Variants in DDX10 observed in about 807,000 individuals in gnomAD.
The protein encoded by DDX10 is probable ATP-dependent RNA helicase DDX10.
DDX10 carries 74 observed loss-of-function variants against 104.3 expected under a neutral mutation model. The observed-to-expected ratio is 0.71, with a 90% confidence interval of 0.59 to 0.86. DDX10 has a LOEUF of 0.86. DDX10 is among the 40% of genes least tolerant of loss of function. The pLI, the probability that DDX10 is intolerant of heterozygous loss-of-function variation, is 0.00. For missense variants in DDX10, 952 were observed against 1,040.0 expected, an observed-to-expected ratio of 0.92 and a Z score of 1.16; for synonymous variants, 351 against 353.4, an observed-to-expected ratio of 0.99 and a Z score of 0.08.
intron 16 of DDX10, among the ~76,000 whole-genome samples, chr11:108,868,966 C>G (rs1323133455): frequency 4.4e-5 from 6 of 137,134 alleles, no homozygotes; most frequent in Non-Finnish European, 9.3e-5. Flanking sequence ...AAGAATTAAG[C>G]TTTTTTTTTT....
intron 16 of DDX10, among the ~76,000 whole-genome samples, chr11:108,889,072 C>G (rs770142751): frequency 9.9e-5 from 15 of 152,112 alleles, no homozygotes; most frequent in Non-Finnish European, 1.9e-4. Flanking sequence ...GCTTTGTAAA[C>G]TGTATTGATT....
At chr11:108,928,821 G>C (rs1863940970) in intron 17 of DDX10, among the ~76,000 whole-genome samples, 1 of 152,204 alleles carries the variant, frequency 6.6e-6, no homozygotes, top group South Asian at 2.1e-4. Flanking sequence ...GTAGGAGTTT[G>C]TAAATGAGTA....
At chr11:108,880,628 T>C (rs182071552) in intron 16 of DDX10, among the ~76,000 whole-genome samples, 1 of 152,298 alleles carries the variant, frequency 6.6e-6, no homozygotes, top group East Asian at 1.9e-4. Flanking sequence ...GGAGTTGATG[T>C]GTACAAGGAA....
intron 13 of DDX10, among the ~76,000 whole-genome samples, chr11:108,800,832 T>C (rs1862010902): frequency 6.6e-6 from 1 of 152,254 alleles, no homozygotes; most frequent in South Asian, 2.1e-4. Flanking sequence ...ATTATGATTT[T>C]CACTTATCCT....
At chr11:108,771,446 G>A (rs1388696927) in intron 13 of DDX10, among the ~76,000 whole-genome samples, 1 of 151,810 alleles carries the variant, frequency 6.6e-6, no homozygotes, top group Non-Finnish European at 1.5e-5. Context: ...GGAAAGCCAC[G>A]CCATTCTCCT....
chr11:108,861,150 A>G (rs985749451), intron 16 of DDX10, among the ~76,000 whole-genome samples: 15 of 151,420 alleles, frequency 9.9e-5, no homozygotes, highest in African/African-American at 3.6e-4. Context: ...GCGAATATAA[A>G]GCAGGCAGAA....
intron 17 of DDX10, among the ~76,000 whole-genome samples, chr11:108,931,041 C>G (rs1204741052): frequency 6.6e-6 from 1 of 152,192 alleles, no homozygotes; most frequent in East Asian, 1.9e-4. Flanking sequence ...AGACCCCTAC[C>G]CCATTCAGTA....
chr11:108,688,220 T>C (rs1042198695), intron 6 of DDX10, among the ~76,000 whole-genome samples: 3 of 152,208 alleles, frequency 2.0e-5, no homozygotes, highest in Admixed American at 1.3e-4. Context: ...CAGAGTAATG[T>C]TGGAATAAAG....
At chr11:108,885,357 C>CTTTTTTT (rs5794610) in intron 16 of DDX10, among the ~76,000 whole-genome samples, 1 of 103,160 alleles carries the variant, frequency 9.7e-6, no homozygotes. Context: ...TTCATTGTCA[C>CTTTTTTT]TTTTTTTTTT....
intron 13 of DDX10, among the ~76,000 whole-genome samples, chr11:108,771,562 G>C (rs940348345): frequency 1.3e-5 from 2 of 152,028 alleles, no homozygotes; most frequent in Non-Finnish European, 2.9e-5. Flanking sequence ...AGCCAGGATG[G>C]TCTCGATCTC....
chr11:108,667,924 C>G (rs1182874046), intron 1 of DDX10, among the ~76,000 whole-genome samples: 1 of 152,190 alleles, frequency 6.6e-6, no homozygotes, highest in Non-Finnish European at 1.5e-5. Flanking sequence ...AAAAAACTCT[C>G]CTACTAGACC....
intron 13 of DDX10, among the ~76,000 whole-genome samples, chr11:108,813,053 A>T (rs938010696): frequency 6.6e-6 from 1 of 151,528 alleles, no homozygotes; most frequent in African/African-American, 2.4e-5. Flanking sequence ...TTGGTACAGA[A>T]TTCATGATGC....
At chr11:108,922,048 A>G (rs4317954) in intron 17 of DDX10, 20,469 of 151,558 alleles carry the variant, frequency 0.14, 1,617 homozygotes, top group East Asian at 0.25. Context: ...GATTGAGACC[A>G]TACTGGCCAA....
chr11:108,898,993 T>C (rs1004619134), intron 16 of DDX10, among the ~76,000 whole-genome samples: 1 of 152,210 alleles, frequency 6.6e-6, no homozygotes, highest in African/African-American at 2.4e-5. Flanking sequence ...GAACTGTGTG[T>C]GTTAATCTCT....
At chr11:108,741,680 C>G (rs139702375) in intron 13 of DDX10, among the ~76,000 whole-genome samples, 2 of 152,194 alleles carry the variant, frequency 1.3e-5, no homozygotes, top group African/African-American at 4.8e-5. Flanking sequence ...TGAAGTTTAT[C>G]AGATCAAGGA....
chr11:108,830,944 A>C (rs1301212786), intron 13 of DDX10, among the ~76,000 whole-genome samples: 2 of 152,198 alleles, frequency 1.3e-5, no homozygotes, highest in Non-Finnish European at 2.9e-5. Flanking sequence ...ACTGTAATTC[A>C]TTTGATTTAG....
At chr11:108,783,227 T>A (rs1861735802) in intron 13 of DDX10, among the ~76,000 whole-genome samples, 1 of 152,220 alleles carries the variant, frequency 6.6e-6, no homozygotes, top group African/African-American at 2.4e-5. Context: ...ATACATCAAG[T>A]GCCTAATGTA....
chr11:108,820,810 A>G (rs879269732), intron 13 of DDX10, among the ~76,000 whole-genome samples: 23 of 152,202 alleles, frequency 1.5e-4, no homozygotes, highest in South Asian at 6.2e-4. Context: ...TGCTTCTCAC[A>G]TCACGCTTTA....
chr11:108,768,912 T>TTGTC lies in DDX10; in HGVS notation c.1965+45457_1965+45460dup, dbSNP rs2094359569. Among the ~76,000 whole-genome samples the TTGTC allele has an allele frequency of 2.6e-5, 4 of 152,144 alleles. No homozygotes were observed. In the South Asian group the frequency reaches 8.3e-4, roughly 31 times the overall value. On this transcript the variant is annotated intron_variant, in intron 13 of 17. Transcript: ENST00000322536. Reference sequence around the variant, plus strand: ...AGTGAGAGTATGTTTTGTTTTTGTTTTGTCTGTCTGAAAATGTTTTTGTTT... The same window carrying TTGTC: ...AGTGAGAGTATGTTTTGTTTTTGTTTTGTCTGTCTGTCTGAAAATGTTTTTGTTT...
Sources: gnomAD v4.1 joint callset for allele counts (sites outside exome capture counted in the v4.1 genomes callset) on GRCh38, gnomAD v4.1.1 for gene constraint, MANE v1.5 for transcripts, NCBI Gene and HGNC (gene_info 2026-07-23, HGNC 2026-07-21) for gene names.